The following HOMER1 variants were observed in gnomAD, a reference collection of about 807,000 sequenced individuals.
HOMER1 encodes homer protein homolog 1.
HOMER1 carries 3 observed loss-of-function variants against 48.9 expected under a neutral mutation model. The observed-to-expected ratio is 0.06, with a 90% CI of 0.03 to 0.16. The LOEUF (loss-of-function observed/expected upper bound fraction) is 0.16. Ranked by LOEUF, HOMER1 falls within the 10% of genes least tolerant of loss-of-function variation. HOMER1 has a pLI of 1.00. For synonymous variants in HOMER1, 134 were observed against 146.4 expected (o/e 0.92, Z 0.61); for missense variants, 247 against 411.4 (o/e 0.60, Z 3.46).
At chr5:79,420,118 A>G (rs1170708509) in intron 5 of HOMER1, among the ~76,000 whole-genome samples, 1 of 152,254 alleles carries the variant, frequency 6.6e-6, no homozygotes, top group African/African-American at 2.4e-5. Context: ...TAAGCAATCA[A>G]TGTATTAAAT....
chr5:79,500,975 C>T (rs1285750686), intron 1 of HOMER1, among the ~76,000 whole-genome samples: 2 of 143,086 alleles, frequency 1.4e-5, no homozygotes, highest in Non-Finnish European at 3.0e-5. Flanking sequence ...CACACACACA[C>T]ACACACACAC....
chr5:79,448,445 C>T (rs1266491009), intron 3 of HOMER1, among the ~76,000 whole-genome samples: 1 of 152,112 alleles, frequency 6.6e-6, no homozygotes, highest in Admixed American at 6.5e-5. Context: ...AAAGTGACAG[C>T]TTAGATTTCC....
intron 6 of HOMER1, 23 bp from the exon 7 acceptor site, chr5:79,397,660 A>G (rs1749423307): frequency 7.2e-7 from 1 of 1,388,818 alleles, no homozygotes; most frequent in Non-Finnish European, 1.0e-6. Flanking sequence ...GAGAACACAG[A>G]TTAACTTAAA....
At chr5:79,504,892 C>T (rs955605646) in intron 1 of HOMER1, among the ~76,000 whole-genome samples, 2 of 152,160 alleles carry the variant, frequency 1.3e-5, no homozygotes, top group Non-Finnish European at 2.9e-5. Flanking sequence ...CACATATGTA[C>T]TGCACTATGA....
intron 1 of HOMER1, among the ~76,000 whole-genome samples, chr5:79,474,860 T>G (rs1233671494): frequency 6.6e-6 from 1 of 152,212 alleles, no homozygotes; most frequent in South Asian, 2.1e-4. Flanking sequence ...GGAAAAAAGC[T>G]GATGACAGTT....
At chr5:79,439,985 T>C (rs1202958925) in intron 4 of HOMER1, among the ~76,000 whole-genome samples, 1 of 151,818 alleles carries the variant, frequency 6.6e-6, no homozygotes, top group Non-Finnish European at 1.5e-5. Flanking sequence ...CTAGGGGAGG[T>C]GCTAAAACCA....
intron 5 of HOMER1, among the ~76,000 whole-genome samples, chr5:79,421,462 T>C (rs889306574): frequency 6.6e-6 from 1 of 152,210 alleles, no homozygotes; most frequent in Admixed American, 6.5e-5. Flanking sequence ...TAATATAACA[T>C]ATAAGGAAAG....
rs76138684 is a variant in HOMER1 at position 79,383,859 on chromosome 5, G to T, written c.877-7662C>A. 4.9e-4 allele frequency among the ~76,000 whole-genome samples: 75 copies of T among 151,986 alleles called. No homozygotes were observed. In the East Asian group the frequency reaches 0.012, roughly 25 times the overall value. ...AGAAATCAATACCAAGAAAAACTGT[G>T]GAAACTATACAAATATATGAAAATT... On this transcript the variant is annotated intron_variant, in intron 8 of 8. Coordinates refer to ENST00000334082, the MANE Select transcript of HOMER1 (RefSeq NM_004272.5).
At chr5:79,502,021 A>ATT (rs10674187) in intron 1 of HOMER1, among the ~76,000 whole-genome samples, 18,792 of 130,006 alleles carry the variant, frequency 0.14, 3,409 homozygotes, top group East Asian at 0.43. Flanking sequence ...GGTCCTGATA[A>ATT]TTTTTTTTTT....
intron 5 of HOMER1, among the ~76,000 whole-genome samples, chr5:79,424,297 T>C (rs1750183402): frequency 1.3e-5 from 2 of 152,134 alleles, no homozygotes; most frequent in Admixed American, 1.3e-4. Flanking sequence ...AGAAGAGGTA[T>C]GAATAATTAA....
intron 5 of HOMER1, among the ~76,000 whole-genome samples, chr5:79,424,287 A>G (rs7733474): frequency 0.48 from 73,520 of 151,792 alleles, 21,357 homozygotes; most frequent in African/African-American, 0.81. Flanking sequence ...GTTAGATTCC[A>G]GAAGAGGTAT....
At chr5:79,428,017 T>C (rs529984859) in intron 5 of HOMER1, among the ~76,000 whole-genome samples, 6 of 152,306 alleles carry the variant, frequency 3.9e-5, no homozygotes, top group African/African-American at 1.4e-4. Context: ...TTCATATTTT[T>C]ACATAGGAAA....
At chr5:79,421,265 G>A (rs1750089462) in intron 5 of HOMER1, among the ~76,000 whole-genome samples, 1 of 152,206 alleles carries the variant, frequency 6.6e-6, no homozygotes, top group Non-Finnish European at 1.5e-5. Context: ...GTAAGGTTGA[G>A]ATACCCTTAC....
chr5:79,388,064 G>A (rs1020170724), intron 8 of HOMER1, among the ~76,000 whole-genome samples: 5 of 151,968 alleles, frequency 3.3e-5, no homozygotes, highest in East Asian at 1.9e-4. Flanking sequence ...ACTAAACTAC[G>A]GTAACCCCAA....
chr5:79,406,245 C>T (rs1749659373), intron 5 of HOMER1, among the ~76,000 whole-genome samples: 1 of 151,844 alleles, frequency 6.6e-6, no homozygotes, highest in African/African-American at 2.4e-5. Flanking sequence ...GTATTTAGAC[C>T]CAAGGAAGCT....
chr5:79,399,450 T>C (rs576644597), intron 6 of HOMER1, among the ~76,000 whole-genome samples: 1 of 152,360 alleles, frequency 6.6e-6, no homozygotes, highest in Admixed American at 6.5e-5. Flanking sequence ...GAAGTTCTGC[T>C]AGTCCCTGCT....
chr5:79,404,508 T>C (rs1321572720), intron 5 of HOMER1, among the ~76,000 whole-genome samples: 2 of 152,194 alleles, frequency 1.3e-5, no homozygotes, highest in Non-Finnish European at 2.9e-5. Context: ...TATTAGCATG[T>C]GGCTATTTAA....
intron 5 of HOMER1, among the ~76,000 whole-genome samples, chr5:79,428,339 A>G (rs1399899622): frequency 6.6e-6 from 1 of 152,180 alleles, no homozygotes; most frequent in Non-Finnish European, 1.5e-5. Context: ...CTAACATCAT[A>G]TTTAATGGTA....
intron 8 of HOMER1, among the ~76,000 whole-genome samples, chr5:79,394,119 A>G (rs1213562338): frequency 6.6e-6 from 1 of 152,220 alleles, no homozygotes; most frequent in Non-Finnish European, 1.5e-5. Context: ...ATTGCCAAAT[A>G]TCAAAAACTC....
Sources: gnomAD v4.1 joint callset for allele counts (sites outside exome capture counted in the v4.1 genomes callset) on GRCh38, gnomAD v4.1.1 for gene constraint, MANE v1.5 for transcripts, NCBI Gene and HGNC (gene_info 2026-07-23, HGNC 2026-07-21) for gene names.